Variants in KIAA0825 observed in about 807,000 individuals in gnomAD.
KIAA0825 encodes the protein uncharacterized protein KIAA0825.
KIAA0825 carries 119 observed loss-of-function variants against 147.6 expected under a neutral mutation model. That is an observed-to-expected ratio of 0.81 (90% CI 0.69 to 0.94). The LOEUF (loss-of-function observed/expected upper bound fraction) is 0.94, where lower values mean the gene tolerates loss of function less well. KIAA0825 is among the 40% of genes least tolerant of loss of function. The probability of loss-of-function intolerance (pLI) is 0.00; values close to 1 mark genes in which losing one functional copy is unlikely to be tolerated. For synonymous variants in KIAA0825, 470 were observed against 518.1 expected, an observed-to-expected ratio of 0.91 and a Z score of 1.26; for missense variants, 1,381 against 1,472.7, an observed-to-expected ratio of 0.94 and a Z score of 1.02.
At chr5:94,334,997 A>G (rs1781662727) in intron 20 of KIAA0825, among the ~76,000 whole-genome samples, 1 of 152,132 alleles carries the variant, frequency 6.6e-6, no homozygotes, top group Admixed American at 6.5e-5. Flanking sequence ...ACTTACACAG[A>G]TATTAAACTG....
chr5:94,511,857 C>T (rs755023964), intron 5 of KIAA0825, among the ~76,000 whole-genome samples: 27 of 151,640 alleles, frequency 1.8e-4, no homozygotes, highest in Non-Finnish European at 3.5e-4. Context: ...GGCATGGTGG[C>T]GGGTGCCTGT....
chr5:94,231,586 A>G (rs1774701873), intron 20 of KIAA0825, among the ~76,000 whole-genome samples: 1 of 152,134 alleles, frequency 6.6e-6, no homozygotes, highest in African/African-American at 2.4e-5. Context: ...TTCTTTATCT[A>G]GCTATCTGGA....
intron 20 of KIAA0825, among the ~76,000 whole-genome samples, chr5:94,166,597 T>A (rs1444024471): frequency 2.9e-5 from 4 of 138,212 alleles, no homozygotes; most frequent in Non-Finnish European, 6.1e-5. Flanking sequence ...AAACTCCGCC[T>A]CCCGGGTTCA....
At chr5:94,584,508 T>C (rs1193220913) in intron 1 of KIAA0825, among the ~76,000 whole-genome samples, 1 of 152,106 alleles carries the variant, frequency 6.6e-6, no homozygotes, top group East Asian at 1.9e-4. Context: ...TGAAAATAAC[T>C]GAACAAAGCC....
rs1438459694 is a variant in KIAA0825, at chr5:94,477,220, A to G, written c.1133-15T>C. The G allele has an allele frequency of 1.4e-5, 21 of 1,481,874 alleles. No homozygotes were observed. The highest frequency in any genetic ancestry group is 3.5e-4 in the Middle Eastern group (2 of 5,690). The allele number at this position is 1,481,874 out of a possible 1,614,324, so 91.8% of individuals were successfully genotyped here. On this transcript the variant is annotated splice_polypyrimidine_tract_variant and intron_variant, in intron 6 of 20. Transcript: ENST00000682413. ...CTCCAAAATTCCTAAGCAATAGAAA[A>G]GAAAACAAACACACTAATATATATT... is the stretch of plus-strand genomic sequence containing the variant.
intron 20 of KIAA0825, among the ~76,000 whole-genome samples, chr5:94,380,014 C>T (rs550687614): frequency 9.2e-5 from 14 of 151,864 alleles, no homozygotes; most frequent in East Asian, 5.8e-4. Flanking sequence ...CCACCACGCC[C>T]GGCTAATTTC....
intron 20 of KIAA0825, among the ~76,000 whole-genome samples, chr5:94,365,415 G>C (rs540839602): frequency 6.6e-6 from 1 of 152,104 alleles, no homozygotes; most frequent in Non-Finnish European, 1.5e-5. Context: ...GCAGATGCCC[G>C]CATCAAGTTT....
intron 20 of KIAA0825, among the ~76,000 whole-genome samples, chr5:94,320,843 T>C (rs1424079034): frequency 6.6e-6 from 1 of 152,080 alleles, no homozygotes; most frequent in Non-Finnish European, 1.5e-5. Context: ...ACTTTAATCC[T>C]TCTTTCAGAA....
At chr5:94,427,403 G>A (rs957170979) in intron 14 of KIAA0825, among the ~76,000 whole-genome samples, 3 of 152,074 alleles carry the variant, frequency 2.0e-5, no homozygotes, top group Admixed American at 1.3e-4. Flanking sequence ...ATGTGAGATG[G>A]TGCACACCTG....
In KIAA0825 at chr5:94,580,419, A is replaced by G. The variant is rs546274712; in HGVS notation, c.-2+2014T>C. On this transcript the variant is annotated intron_variant, in intron 2 of 20. Transcript: ENST00000682413. ...TCTAAATTAAAACTAGATTTAACAT[A>G]GGCAATACAGACCTGCCCTGTAAAA... Among the ~76,000 whole-genome samples, 30 of 152,334 alleles carry G rather than the reference A, an allele frequency of 2.0e-4. No homozygotes were observed. In the Middle Eastern group the frequency reaches 0.017, roughly 86 times the overall value.
intron 6 of KIAA0825, among the ~76,000 whole-genome samples, 191 bp downstream of exon 6, chr5:94,484,578 A>G (rs1453308932): frequency 6.6e-6 from 1 of 151,760 alleles, no homozygotes; most frequent in East Asian, 1.9e-4. Flanking sequence ...GAATTAAGGA[A>G]CTTGCCAAGC....
chr5:94,155,530 A>T (rs1766964891), intron 20 of KIAA0825, among the ~76,000 whole-genome samples: 1 of 152,058 alleles, frequency 6.6e-6, no homozygotes. Context: ...CTGTTCCCAT[A>T]CTAGTTTCCT....
At chr5:94,474,383 C>T (rs1761595767) in intron 7 of KIAA0825, among the ~76,000 whole-genome samples, 1 of 152,152 alleles carries the variant, frequency 6.6e-6, no homozygotes, top group African/African-American at 2.4e-5. Flanking sequence ...TTTAATGTAA[C>T]TTTGTTTACA....
At chr5:94,295,084 A>G (rs1014526415) in intron 20 of KIAA0825, among the ~76,000 whole-genome samples, 5 of 151,906 alleles carry the variant, frequency 3.3e-5, no homozygotes, top group African/African-American at 1.2e-4. Flanking sequence ...GTCTTTTCAC[A>G]TAGTCTCATA....
chr5:94,402,228 G>C (rs1488188954), intron 16 of KIAA0825, among the ~76,000 whole-genome samples: 1 of 152,040 alleles, frequency 6.6e-6, no homozygotes, highest in African/African-American at 2.4e-5. Flanking sequence ...TCTTTGCAAT[G>C]GTATGGAGGA....
In KIAA0825 at chr5:94,397,332, T is replaced by C. The variant is rs556020408; in HGVS notation, c.2888-823A>G. Among the ~76,000 whole-genome samples, 14 of 152,332 alleles carry C rather than the reference T, an allele frequency of 9.2e-5. No individual in the cohort carries two copies. The South Asian group carries it at 2.5e-3, about 27-fold the overall frequency. On this transcript the variant is annotated intron_variant, in intron 16 of 20. Coordinates refer to ENST00000682413, the MANE Select transcript of KIAA0825 (RefSeq NM_001145678.3). ...TCTATTAACATCGCTTAGATGTAGG[T>C]TTTTGCTAAGAAGTCCTTAGCCTTT...
intron 20 of KIAA0825, among the ~76,000 whole-genome samples, chr5:94,277,967 A>G (rs1777294231): frequency 6.6e-6 from 1 of 152,202 alleles, no homozygotes; most frequent in South Asian, 2.1e-4. Flanking sequence ...TTGCAGGGAC[A>G]TGGATGAAGC....
At chr5:94,484,042 T>G (rs575704357) in intron 6 of KIAA0825, among the ~76,000 whole-genome samples, 1 of 151,692 alleles carries the variant, frequency 6.6e-6, no homozygotes, top group Non-Finnish European at 1.5e-5. Flanking sequence ...AATATAGATA[T>G]GATAACAGAG....
At chr5:94,282,782 C>T (rs1777520254) in intron 20 of KIAA0825, among the ~76,000 whole-genome samples, 1 of 151,942 alleles carries the variant, frequency 6.6e-6, no homozygotes, top group African/African-American at 2.4e-5. Flanking sequence ...AGGCAAATAA[C>T]TTTGACTTTA....
Sources: allele counts gnomAD v4.1 joint callset (sites outside exome capture counted in the v4.1 genomes callset), GRCh38; gene constraint gnomAD v4.1.1; transcripts MANE v1.5; gene names NCBI Gene and HGNC (gene_info 2026-07-23, HGNC 2026-07-21).